The following UTRN variants were observed in gnomAD, a reference collection of about 807,000 sequenced individuals.
UTRN encodes the protein dystrophin-related protein 1.
UTRN carries 283 observed loss-of-function variants against 463.9 expected under a neutral mutation model. That is an observed-to-expected ratio of 0.61 (90% confidence interval 0.55 to 0.67). The LOEUF (loss-of-function observed/expected upper bound fraction) is 0.67. Ranked by LOEUF, UTRN falls within the 30% of genes least tolerant of loss-of-function variation. UTRN has a pLI of 0.00. For synonymous variants in UTRN, 1,442 were observed against 1,431.5 expected (o/e 1.01, Z -0.17); for missense variants, 3,922 against 4,084.3 (o/e 0.96, Z 1.08).
intron 2 of UTRN, among the ~76,000 whole-genome samples, chr6:144,335,450 T>G (rs1175661152): frequency 6.6e-6 from 1 of 152,240 alleles, no homozygotes; most frequent in Non-Finnish European, 1.5e-5. Flanking sequence ...CTCCCACCTG[T>G]TTCCTCAGCC....
intron 33 of UTRN, among the ~76,000 whole-genome samples, chr6:144,498,212 A>G (rs1334761178): frequency 1.3e-5 from 2 of 152,248 alleles, no homozygotes; most frequent in African/African-American, 4.8e-5. Flanking sequence ...CCAGAATGGC[A>G]TGGCTCAATC....
chr6:144,617,366 A>G (rs968691603), intron 51 of UTRN, among the ~76,000 whole-genome samples: 5 of 152,222 alleles, frequency 3.3e-5, no homozygotes, highest in Non-Finnish European at 5.9e-5. Flanking sequence ...TGAAACCATC[A>G]TCATGATTTC....
rs770820156 is a variant in UTRN at position 144,678,508 on chromosome 6, A to G, written c.7582A>G (p.Met2528Val). ...KALGNSEEATMLQHRLDDMNQ... is the reference protein window; with the variant it reads ...KALGNSEEATVLQHRLDDMNQ... ...TTTGGGAAATTCTGAAGAGGCTACT[A>G]TGCTTCAACATCGACTGGATGATAT... is the stretch of plus-strand genomic sequence containing the variant. Residue 2528 changes from methionine to valine, a missense_variant, in exon 52 of 75, where the codon ATG becomes GTG. Physicochemically the swap from Met to Val is conservative, Grantham distance 21. Transcript: ENST00000367545. The G allele has an allele frequency of 6.8e-6, 11 of 1,613,110 alleles. No homozygotes were observed. Among genetic ancestry groups the G allele is most frequent in the South Asian group, 3.3e-5 (3 of 91,026 alleles).
intron 51 of UTRN, among the ~76,000 whole-genome samples, chr6:144,578,494 C>T (rs777542483): frequency 1.3e-5 from 2 of 152,130 alleles, no homozygotes; most frequent in Non-Finnish European, 2.9e-5. Context: ...TCCACCATGC[C>T]TGGCTAGTTT....
intron 2 of UTRN, among the ~76,000 whole-genome samples, chr6:144,368,870 T>C (rs943515143): frequency 9.9e-5 from 15 of 152,238 alleles, no homozygotes; most frequent in African/African-American, 3.4e-4. Flanking sequence ...CTAAGAGAGC[T>C]CTAATGACAG....
intron 2 of UTRN, among the ~76,000 whole-genome samples, chr6:144,323,213 A>G (rs1459799634): frequency 1.3e-5 from 2 of 152,196 alleles, no homozygotes; most frequent in Non-Finnish European, 2.9e-5. Context: ...AACCTTGGCA[A>G]TTCTTAAATT....
Position 144,426,450 on chromosome 6 carries a change from A to G in UTRN, c.569A>G (p.His190Arg), listed in dbSNP as rs1785300128. ...GGACTCGCCTTTAATGCTGTCCTCC[A>G]CCGACATAAGTGAGACATTACTCTA... ...TDGLAFNAVLHRHKPDLFSWD... is the reference protein window; with the variant it reads ...TDGLAFNAVLRRHKPDLFSWD... Residue 190 changes from histidine (H) to arginine (R), a missense_variant, in exon 7 of 75, where the codon CAC becomes CGC. By Grantham distance (29) the His-to-Arg change is conservative. Around this residue, in one of 3 missense-constraint regions of UTRN, gnomAD observed 264 missense variants for 327.9 expected, o/e 0.81. Transcript: ENST00000367545. 1.9e-6 allele frequency: 3 copies of G among 1,613,698 alleles called. No individual in the cohort carries two copies. The highest frequency in any genetic ancestry group is 2.5e-6 in the Non-Finnish European group (3 of 1,179,826).
intron 54 of UTRN, among the ~76,000 whole-genome samples, chr6:144,747,213 A>C (rs989891199): frequency 2.0e-5 from 3 of 152,232 alleles, no homozygotes; most frequent in Non-Finnish European, 4.4e-5. Context: ...ATCACAAAGA[A>C]GAATGTGTTT....
At chr6:144,814,266 G>A (rs1419267496) in intron 65 of UTRN, among the ~76,000 whole-genome samples, 1 of 152,156 alleles carries the variant, frequency 6.6e-6, no homozygotes, top group East Asian at 1.9e-4. Flanking sequence ...GACGCAGTGA[G>A]AAGACGGCTG....
chr6:144,297,766 A>G (rs1165867423), intron 2 of UTRN, among the ~76,000 whole-genome samples: 1 of 152,196 alleles, frequency 6.6e-6, no homozygotes, highest in East Asian at 1.9e-4. Flanking sequence ...ATTATGCTGA[A>G]GTAGTGCAAT....
chr6:144,810,307 A>G (rs1253767968), intron 65 of UTRN, among the ~76,000 whole-genome samples: 2 of 152,188 alleles, frequency 1.3e-5, no homozygotes, highest in African/African-American at 4.8e-5. Flanking sequence ...AACCCTTGCC[A>G]AGTGTAAACA....
chr6:144,566,659 A>G (rs1373215158), intron 50 of UTRN, among the ~76,000 whole-genome samples: 1 of 152,132 alleles, frequency 6.6e-6, no homozygotes, highest in Non-Finnish European at 1.5e-5. Context: ...ACCTCTATAT[A>G]CAGTGCCCCT....
chr6:144,593,625 C>T (rs557262973), intron 51 of UTRN, among the ~76,000 whole-genome samples: 1 of 152,286 alleles, frequency 6.6e-6, no homozygotes, highest in East Asian at 1.9e-4. Context: ...TCCAAGAACT[C>T]AGCCATGACT....
chr6:144,375,192 G>C (rs936099821), intron 2 of UTRN, among the ~76,000 whole-genome samples: 1 of 152,052 alleles, frequency 6.6e-6, no homozygotes, highest in African/African-American at 2.4e-5. Flanking sequence ...TTCTTTAGTT[G>C]GTTATCTAGA....
intron 34 of UTRN, among the ~76,000 whole-genome samples, chr6:144,505,260 C>T (rs530954330): frequency 8.5e-5 from 13 of 152,258 alleles, no homozygotes; most frequent in Admixed American, 3.3e-4. Flanking sequence ...TCTCTATCTC[C>T]TTTAGTTCTG....
At chr6:144,717,745 C>G (rs1786665337) in intron 53 of UTRN, among the ~76,000 whole-genome samples, 1 of 149,620 alleles carries the variant, frequency 6.7e-6, no homozygotes, top group African/African-American at 2.5e-5. Flanking sequence ...AAATGACTCT[C>G]CTGCCTCAGC....
Position 144,816,867 on chromosome 6 carries a change from A to G in UTRN, c.9358-4015A>G, listed in dbSNP as rs148888373. Among the ~76,000 whole-genome samples, 158 of 151,842 alleles carry G rather than the reference A, an allele frequency of 1.0e-3. 1 individual carries two copies. In the East Asian group the frequency reaches 0.025, roughly 24 times the overall value. On this transcript the variant is annotated intron_variant, in intron 65 of 74. Transcript: ENST00000367545. ...AGTGCTGGCATTACAGGTGTGAGCC[A>G]CTGCATCCAGCCTATTTATAAAATG...
intron 51 of UTRN, among the ~76,000 whole-genome samples, chr6:144,618,583 C>T (rs1775012609): frequency 6.6e-6 from 1 of 152,154 alleles, no homozygotes; most frequent in South Asian, 2.1e-4. Context: ...TCTTAGTAGT[C>T]AGTAGTTAAC....
At chr6:144,377,750 A>C (rs1304974407) in intron 2 of UTRN, among the ~76,000 whole-genome samples, 1 of 152,150 alleles carries the variant, frequency 6.6e-6, no homozygotes, top group East Asian at 1.9e-4. Flanking sequence ...TGTCTTATTT[A>C]CTGGAAGTTA....
Sources: allele counts gnomAD v4.1 joint callset (sites outside exome capture counted in the v4.1 genomes callset), GRCh38; gene constraint gnomAD v4.1.1; regional missense constraint gnomAD v4.1.1; transcripts MANE v1.5; gene names NCBI Gene and HGNC (gene_info 2026-07-23, HGNC 2026-07-21).